The following SLC24A3 variants were observed in gnomAD, a reference collection of about 807,000 sequenced individuals.
SLC24A3 encodes solute carrier family 24 member 3.
In SLC24A3, 28 loss-of-function variants were observed where a neutral mutation model predicts 75.8. That is an observed-to-expected ratio of 0.37 (90% CI 0.27 to 0.51). The LOEUF (loss-of-function observed/expected upper bound fraction) is 0.51, where lower values mean the gene tolerates loss of function less well. SLC24A3 is among the 20% of genes least tolerant of loss of function. The pLI is 0.94. For synonymous variants in SLC24A3, 372 were observed against 334.1 expected (o/e 1.11, Z -1.24); for missense variants, 663 against 847.8 (o/e 0.78, Z 2.71).
intron 1 of SLC24A3, among the ~76,000 whole-genome samples, chr20:19,268,033 C>G (rs1983219333): frequency 6.6e-6 from 1 of 152,130 alleles, no homozygotes; most frequent in South Asian, 2.1e-4. Context: ...ATGATCATGT[C>G]CCCATCTCAT....
chr20:19,541,480 G>A (rs1375884007), intron 3 of SLC24A3, among the ~76,000 whole-genome samples: 1 of 152,220 alleles, frequency 6.6e-6, no homozygotes, highest in African/African-American at 2.4e-5. Flanking sequence ...ACCATTAAGT[G>A]CTGTCCCTCA....
intron 2 of SLC24A3, among the ~76,000 whole-genome samples, chr20:19,511,290 C>T (rs1988531850): frequency 1.3e-5 from 2 of 151,976 alleles, no homozygotes; most frequent in African/African-American, 4.8e-5. Flanking sequence ...TGAGGGAAGA[C>T]TCACCTCTCA....
At chr20:19,477,618 A>G (rs148110963) in intron 2 of SLC24A3, among the ~76,000 whole-genome samples, 50 of 152,188 alleles carry the variant, frequency 3.3e-4, no homozygotes, top group Non-Finnish European at 6.8e-4. Flanking sequence ...ATAGGCAGAG[A>G]GTTTTTGGCT....
At chr20:19,348,636 G>C (rs1464746041) in intron 2 of SLC24A3, among the ~76,000 whole-genome samples, 1 of 152,076 alleles carries the variant, frequency 6.6e-6, no homozygotes, top group Non-Finnish European at 1.5e-5. Context: ...CTAACATCAT[G>C]TTGTATCTCT....
At chr20:19,630,260 C>A (rs2031917571) in intron 6 of SLC24A3, among the ~76,000 whole-genome samples, 1 of 152,170 alleles carries the variant, frequency 6.6e-6, no homozygotes, top group Non-Finnish European at 1.5e-5. Context: ...AAGATTAAGA[C>A]AGCTAGTAAC....
chr20:19,678,019 G>A (rs1460405039), intron 9 of SLC24A3, among the ~76,000 whole-genome samples: 2 of 151,458 alleles, frequency 1.3e-5, no homozygotes, highest in African/African-American at 4.8e-5. Context: ...GCACAGGGTT[G>A]GGGGGTAAGG....
chr20:19,393,133 T>C (rs896797650), intron 2 of SLC24A3, among the ~76,000 whole-genome samples: 1 of 152,204 alleles, frequency 6.6e-6, no homozygotes, highest in African/African-American at 2.4e-5. Flanking sequence ...CATAATCTCT[T>C]ACAGAAAACT....
At chr20:19,476,768 G>C (rs1362026293) in intron 2 of SLC24A3, among the ~76,000 whole-genome samples, 1 of 152,084 alleles carries the variant, frequency 6.6e-6, no homozygotes, top group African/African-American at 2.4e-5. Flanking sequence ...ATAATTATGG[G>C]AACCCAGGCA....
rs369788921 is a variant in SLC24A3 at position 19,721,266 on chromosome 20, C to T, written c.*126C>T. On this transcript the variant is annotated 3_prime_UTR_variant, in exon 17 of 17. Transcript: ENST00000328041. ...CTCTCCTGTGCTGTCCTCAGGCCTC[C>T]GCTCCTGTTTTGGTGGCCCAGGCTC... is the stretch of plus-strand genomic sequence containing the variant. 9.4e-6 allele frequency: 12 copies of T among 1,272,002 alleles called. No individual in the cohort carries two copies. Among genetic ancestry groups the T allele is most frequent in the South Asian group, 4.4e-5 (3 of 68,866 alleles). 78.8% of individuals were successfully genotyped at this position (1,272,002 alleles called of 1,614,324 possible).
In SLC24A3 at chr20:19,330,251, C is replaced by G. The variant is rs1984969041; in HGVS notation, c.271+49164C>G. Among the ~76,000 whole-genome samples, 4 of 152,156 alleles carry G rather than the reference C, an allele frequency of 2.6e-5. No individual in the cohort carries two copies. The South Asian group carries it at 6.2e-4, about 24-fold the overall frequency. Reference sequence around the variant, plus strand: ...TCCAATCGGTGGGTCTGGACCTGCTCAGACTCCTCAGGGCTGGTTTCTCTT... The same window carrying G: ...TCCAATCGGTGGGTCTGGACCTGCTGAGACTCCTCAGGGCTGGTTTCTCTT... On this transcript the variant is annotated intron_variant, in intron 2 of 16. Coordinates refer to ENST00000328041, the MANE Select transcript of SLC24A3 (RefSeq NM_020689.4).
chr20:19,614,476 C>G (rs1030501766), intron 6 of SLC24A3, among the ~76,000 whole-genome samples: 11 of 152,192 alleles, frequency 7.2e-5, no homozygotes, highest in Non-Finnish European at 1.5e-4. Flanking sequence ...TGCCACAGGC[C>G]CATTGATTCT....
intron 2 of SLC24A3, among the ~76,000 whole-genome samples, chr20:19,430,749 G>C (rs1433691840): frequency 6.6e-6 from 1 of 151,976 alleles, no homozygotes. Context: ...AGCACAGCTA[G>C]GTAGACTCAC....
chr20:19,503,447 C>G (rs1308224916), intron 2 of SLC24A3, among the ~76,000 whole-genome samples: 1 of 152,168 alleles, frequency 6.6e-6, no homozygotes, highest in African/African-American at 2.4e-5. Context: ...GATGCACAAA[C>G]TTAGTGATCT....
rs1015498105 is a variant in SLC24A3, at chr20:19,470,353, A to G, written c.272-45135A>G. Among the ~76,000 whole-genome samples, 4 of 152,284 alleles carry G rather than the reference A, an allele frequency of 2.6e-5. No individual in the cohort carries two copies. The East Asian group carries it at 7.7e-4, about 29-fold the overall frequency. On this transcript the variant is annotated intron_variant, in intron 2 of 16. Coordinates refer to ENST00000328041, the MANE Select transcript of SLC24A3 (RefSeq NM_020689.4). ...GGCTGTTATCTCAGCAACTCCAGGT[A>G]TAGGATTTTAGGGCCAACTTTTTTT...
At chr20:19,708,836 G>A (rs930631028) in intron 15 of SLC24A3, among the ~76,000 whole-genome samples, 1 of 152,214 alleles carries the variant, frequency 6.6e-6, no homozygotes, top group African/African-American at 2.4e-5. Context: ...TGTGTTTCAG[G>A]CTCTATGTTA....
intron 6 of SLC24A3, among the ~76,000 whole-genome samples, chr20:19,636,858 A>G (rs1433334401): frequency 6.6e-6 from 1 of 152,254 alleles, no homozygotes; most frequent in African/African-American, 2.4e-5. Context: ...GTAACCGAAG[A>G]TAATTCCAGT....
intron 1 of SLC24A3, among the ~76,000 whole-genome samples, chr20:19,238,217 G>A (rs1195045153): frequency 1.3e-5 from 2 of 152,168 alleles, no homozygotes. Context: ...TAACAGCAGA[G>A]AGCAGCTCTG....
chr20:19,564,124 C>T (rs1055847571), intron 3 of SLC24A3, among the ~76,000 whole-genome samples: 7 of 152,162 alleles, frequency 4.6e-5, no homozygotes, highest in Non-Finnish European at 8.8e-5. Flanking sequence ...TCTAGCCAGC[C>T]AGTGTTTACC....
At chr20:19,533,074 T>C (rs1363251731) in intron 3 of SLC24A3, among the ~76,000 whole-genome samples, 1 of 152,194 alleles carries the variant, frequency 6.6e-6, no homozygotes, top group Non-Finnish European at 1.5e-5. Flanking sequence ...CACCCAGTAT[T>C]TAATGGATTA....
Sources: gnomAD v4.1 joint callset for allele counts (sites outside exome capture counted in the v4.1 genomes callset) on GRCh38, gnomAD v4.1.1 for gene constraint, MANE v1.5 for transcripts, NCBI Gene and HGNC (gene_info 2026-07-23, HGNC 2026-07-21) for gene names.